PITPNC1: variants seen among roughly 807,000 people sequenced by gnomAD.
PITPNC1 encodes the protein cytoplasmic phosphatidylinositol transfer protein 1.
In PITPNC1, 18 loss-of-function variants were observed where a neutral mutation model predicts 44.7. The ratio of observed to expected loss-of-function variants is 0.40; its 90% CI spans 0.28 to 0.60. The LOEUF (loss-of-function observed/expected upper bound fraction) is 0.60. PITPNC1 is among the 20% of genes least tolerant of loss of function. The probability of loss-of-function intolerance (pLI) is 0.39; values close to 1 mark genes in which losing one functional copy is unlikely to be tolerated. For missense variants in PITPNC1, 290 were observed against 418.4 expected, an observed-to-expected ratio of 0.69 and a Z score of 2.68; for synonymous variants, 141 against 149.6, an observed-to-expected ratio of 0.94 and a Z score of 0.42.
intron 1 of PITPNC1, among the ~76,000 whole-genome samples, chr17:67,446,196 C>T (rs879767783): frequency 6.6e-6 from 1 of 151,926 alleles, no homozygotes; most frequent in Non-Finnish European, 1.5e-5. Flanking sequence ...CCACCCGCCT[C>T]GGCCTCCCAA....
rs188659621 is a variant in PITPNC1 at position 67,534,355 on chromosome 17, T to A, written c.197+1405T>A. Among the ~76,000 whole-genome samples the A allele has an allele frequency of 2.6e-3, 392 of 152,194 alleles. 2 individuals carry two copies. The highest frequency in any genetic ancestry group is 9.2e-3 in the African/African-American group (382 of 41,530). On this transcript the variant is annotated intron_variant, in intron 2 of 8. Transcript: ENST00000581322. ...AGATGCCATATGAAATATATCTTAT[T>A]GGCAAAGTGTGGTGGCTCACACCTA...
chr17:67,513,489 G>GTGTATATATATATATA (rs772483698), intron 1 of PITPNC1, among the ~76,000 whole-genome samples: 2 of 138,670 alleles, frequency 1.4e-5, no homozygotes, highest in African/African-American at 5.4e-5. Context: ...GTGTGTGTGT[G>GTGTATATATATATATA]TATATATATA....
chr17:67,441,415 G>C (rs570840131), intron 1 of PITPNC1, among the ~76,000 whole-genome samples: 2 of 152,186 alleles, frequency 1.3e-5, no homozygotes, highest in South Asian at 4.2e-4. Flanking sequence ...CCTCTGATTT[G>C]CTCGGCAGAG....
At chr17:67,644,654 C>G (rs755533895) in intron 6 of PITPNC1, among the ~76,000 whole-genome samples, 2 of 151,988 alleles carry the variant, frequency 1.3e-5, no homozygotes, top group Non-Finnish European at 2.9e-5. Flanking sequence ...AGGCTGCTCT[C>G]GAACTCCTGA....
chr17:67,682,021 A>T (rs1301878056), intron 8 of PITPNC1, among the ~76,000 whole-genome samples: 1 of 152,016 alleles, frequency 6.6e-6, no homozygotes, highest in Admixed American at 6.6e-5. Flanking sequence ...AACATGGTGA[A>T]ACCCCGTCTC....
chr17:67,398,510 G>GTGT (rs34899581), intron 1 of PITPNC1, among the ~76,000 whole-genome samples: 58,877 of 151,602 alleles, frequency 0.39, 13,291 homozygotes, highest in African/African-American at 0.63. Context: ...GTGCAGTTGG[G>GTGT]TGTTGTGGAG....
At chr17:67,656,771 C>A (rs2042273695) in intron 6 of PITPNC1, among the ~76,000 whole-genome samples, 1 of 151,992 alleles carries the variant, frequency 6.6e-6, no homozygotes, top group African/African-American at 2.4e-5. Context: ...TTATAAACCT[C>A]TTTTTAAAAT....
Position 67,649,594 on chromosome 17 carries a change from C to G in PITPNC1, c.462+17356C>G, listed in dbSNP as rs147895998. Among the ~76,000 whole-genome samples, 8 of 152,276 alleles carry G rather than the reference C, an allele frequency of 5.3e-5. No individual in the cohort carries two copies. In the East Asian group the frequency reaches 1.5e-3, roughly 29 times the overall value. On this transcript the variant is annotated intron_variant, in intron 6 of 8. Coordinates refer to ENST00000581322, the MANE Select transcript of PITPNC1 (RefSeq NM_012417.4). ...ACAAAGCTGCCCCACTTCTCACTGA[C>G]AGGCTATAGGCCGGGCACAGTGGCT...
At chr17:67,566,603 A>C (rs1044306620) in intron 4 of PITPNC1, among the ~76,000 whole-genome samples, 1 of 152,260 alleles carries the variant, frequency 6.6e-6, no homozygotes, top group African/African-American at 2.4e-5. Context: ...GTACTAGGGT[A>C]ATTTGGCATC....
At chr17:67,438,585 G>C (rs1200136485) in intron 1 of PITPNC1, among the ~76,000 whole-genome samples, 1 of 152,102 alleles carries the variant, frequency 6.6e-6, no homozygotes, top group African/African-American at 2.4e-5. Context: ...TAAAGTGTTG[G>C]GATTACAGGC....
intron 8 of PITPNC1, among the ~76,000 whole-genome samples, 174 bp from the exon 9 acceptor site, chr17:67,692,398 T>G (rs986667320): frequency 2.0e-5 from 3 of 152,170 alleles, no homozygotes; most frequent in Non-Finnish European, 4.4e-5. Context: ...GGGTGTAGCT[T>G]CCAATAGAAA....
At chr17:67,506,118 G>A (rs1186990261) in intron 1 of PITPNC1, among the ~76,000 whole-genome samples, 1 of 151,946 alleles carries the variant, frequency 6.6e-6, no homozygotes, top group Non-Finnish European at 1.5e-5. Flanking sequence ...TTGGGCTGGC[G>A]AGATATTACC....
At chr17:67,507,815 C>A (rs988329233) in intron 1 of PITPNC1, among the ~76,000 whole-genome samples, 3 of 151,812 alleles carry the variant, frequency 2.0e-5, no homozygotes, top group Admixed American at 6.6e-5. Flanking sequence ...AGTGTCCTTC[C>A]TGGGTTTTTC....
At chr17:67,418,861 G>A (rs756108241) in intron 1 of PITPNC1, among the ~76,000 whole-genome samples, 2 of 151,804 alleles carry the variant, frequency 1.3e-5, no homozygotes, top group Non-Finnish European at 2.9e-5. Flanking sequence ...CTGCCTGGCC[G>A]TGAGCCACCC....
intron 1 of PITPNC1, among the ~76,000 whole-genome samples, chr17:67,492,197 A>G (rs1055144380): frequency 2.0e-5 from 3 of 152,110 alleles, no homozygotes; most frequent in African/African-American, 7.2e-5. Context: ...GTGGCCCCTT[A>G]AATATCCCCC....
chr17:67,575,675 T>C (rs2041131126), intron 4 of PITPNC1, among the ~76,000 whole-genome samples: 2 of 152,108 alleles, frequency 1.3e-5, no homozygotes, highest in Non-Finnish European at 2.9e-5. Context: ...AGGTTGAGCA[T>C]GCCTCAGCAT....
intron 8 of PITPNC1, among the ~76,000 whole-genome samples, chr17:67,677,726 G>A (rs954253875): frequency 6.6e-6 from 1 of 151,734 alleles, no homozygotes; most frequent in East Asian, 1.9e-4. Flanking sequence ...CCACCACCAC[G>A]CCCTGCTAAT....
chr17:67,512,321 G>A (rs560119587), intron 1 of PITPNC1, among the ~76,000 whole-genome samples: 1 of 152,270 alleles, frequency 6.6e-6, no homozygotes, highest in South Asian at 2.1e-4. Flanking sequence ...CAAACAGGGT[G>A]AAACCCCGTC....
chr17:67,491,342 A>G (rs1187904253), intron 1 of PITPNC1, among the ~76,000 whole-genome samples: 3 of 152,222 alleles, frequency 2.0e-5, no homozygotes, highest in African/African-American at 7.2e-5. Flanking sequence ...ATGAGTCACA[A>G]TGCCGGGCCG....
Sources: gnomAD v4.1 joint callset for allele counts (sites outside exome capture counted in the v4.1 genomes callset) on GRCh38, gnomAD v4.1.1 for gene constraint, MANE v1.5 for transcripts, NCBI Gene and HGNC (gene_info 2026-07-23, HGNC 2026-07-21) for gene names.